The following CPNE8 variants were observed in gnomAD, a reference collection of about 807,000 sequenced individuals.
CPNE8 encodes copine 8, also known as copine-8.
Under a neutral mutation model 81.5 loss-of-function variants are expected in CPNE8, and 45 were observed. That is an observed-to-expected ratio of 0.55 (90% CI 0.44 to 0.71). The LOEUF is 0.71. Ranked by LOEUF, CPNE8 falls within the 30% of genes least tolerant of loss-of-function variation. The pLI is 0.00. For synonymous variants in CPNE8, 252 were observed against 226.3 expected (o/e 1.11, Z -1.02); for missense variants, 594 against 672.1 (o/e 0.88, Z 1.28).
intron 13 of CPNE8, among the ~76,000 whole-genome samples, chr12:38,712,015 T>A (rs1166554724): frequency 6.6e-6 from 1 of 152,136 alleles, no homozygotes; most frequent in African/African-American, 2.4e-5. Context: ...AGAGTTTAGC[T>A]TTCCACTGAT....
At chr12:38,823,558 T>A (rs1463097065) in intron 6 of CPNE8, among the ~76,000 whole-genome samples, 1 of 152,196 alleles carries the variant, frequency 6.6e-6, no homozygotes, top group Non-Finnish European at 1.5e-5. Flanking sequence ...CCATTACTGC[T>A]GGTACTGCTT....
chr12:38,831,830 A>T (rs1305067574), intron 5 of CPNE8, among the ~76,000 whole-genome samples: 4 of 152,196 alleles, frequency 2.6e-5, no homozygotes, highest in African/African-American at 9.6e-5. Flanking sequence ...AAAACACACA[A>T]GGGCGATTCC....
intron 19 of CPNE8, among the ~76,000 whole-genome samples, chr12:38,662,459 A>G (rs1440788575): frequency 6.6e-6 from 1 of 152,180 alleles, no homozygotes; most frequent in Non-Finnish European, 1.5e-5. Flanking sequence ...GATCTCTACA[A>G]TAAAAACTAT....
At chr12:38,868,251 A>C (rs774036331) in intron 3 of CPNE8, among the ~76,000 whole-genome samples, 50 of 152,112 alleles carry the variant, frequency 3.3e-4, no homozygotes, top group Non-Finnish European at 7.1e-4. Flanking sequence ...AGGTAGAAAC[A>C]CTATTTATTT....
intron 3 of CPNE8, among the ~76,000 whole-genome samples, chr12:38,858,433 GC>G (rs1943779795): frequency 6.6e-6 from 1 of 152,200 alleles, no homozygotes; most frequent in African/African-American, 2.4e-5. Flanking sequence ...TGCAAGCAGG[GC>G]TACACCATAG....
At chr12:38,850,466 G>C (rs908034207) in intron 3 of CPNE8, among the ~76,000 whole-genome samples, 2 of 152,124 alleles carry the variant, frequency 1.3e-5, no homozygotes, top group Non-Finnish European at 2.9e-5. Flanking sequence ...TCAGCAATAG[G>C]AGTGACTGAG....
At chr12:38,793,570 G>A (rs1017646092) in intron 6 of CPNE8, among the ~76,000 whole-genome samples, 1 of 151,652 alleles carries the variant, frequency 6.6e-6, no homozygotes, top group Non-Finnish European at 1.5e-5. Context: ...GAAATTAAAG[G>A]CACAGATAAA....
chr12:38,895,303 G>A (rs1944374498), intron 1 of CPNE8, among the ~76,000 whole-genome samples: 1 of 152,050 alleles, frequency 6.6e-6, no homozygotes, highest in Non-Finnish European at 1.5e-5. Flanking sequence ...GTTAAACGGT[G>A]ACTTCCCCAG....
chr12:38,839,894 A>C (rs1230539394), intron 5 of CPNE8, 22 bp downstream of exon 5: 4 of 1,551,786 alleles, frequency 2.6e-6, no homozygotes, highest in Non-Finnish European at 3.5e-6. Flanking sequence ...AATGTTATAA[A>C]AACATAAAAA....
intron 6 of CPNE8, among the ~76,000 whole-genome samples, chr12:38,781,213 C>T (rs184226665): frequency 2.6e-5 from 4 of 151,940 alleles, no homozygotes; most frequent in Admixed American, 6.6e-5. Context: ...TTCTAAAATG[C>T]AATCAGTTCA....
chr12:38,751,680 T>C (rs1327705084), intron 10 of CPNE8, among the ~76,000 whole-genome samples: 1 of 151,508 alleles, frequency 6.6e-6, no homozygotes, highest in African/African-American at 2.4e-5. Flanking sequence ...AATTCAGCAA[T>C]AGTGGCACTG....
At chr12:38,835,020 G>T (rs967937157) in intron 5 of CPNE8, among the ~76,000 whole-genome samples, 3 of 152,026 alleles carry the variant, frequency 2.0e-5, no homozygotes, top group African/African-American at 7.2e-5. Flanking sequence ...CTGAGTAGCT[G>T]GGATTGCAGG....
At chr12:38,828,857 A>G (rs926677447) in intron 6 of CPNE8, among the ~76,000 whole-genome samples, 2 of 152,182 alleles carry the variant, frequency 1.3e-5, no homozygotes, top group Non-Finnish European at 2.9e-5. Flanking sequence ...AACTCATGCA[A>G]TTGACATGAA....
Position 38,781,389 on chromosome 12 carries a change from A to G in CPNE8, c.408-5088T>C, listed in dbSNP as rs188507269. ...ATATAAAAATTAAATTCAGCCATGA[A>G]CTATTTAAAATAGATAACAAAATTT... On this transcript the variant is annotated intron_variant, in intron 6 of 19. Transcript: ENST00000331366. Among the ~76,000 whole-genome samples, 547 of 152,206 alleles carry G rather than the reference A, an allele frequency of 3.6e-3. 2 individuals carry two copies. The highest frequency in any genetic ancestry group is 0.013 in the African/African-American group (524 of 41,584).
rs1941930522 is a variant in CPNE8, at chr12:38,776,149, T to C, written c.471+89A>G. 4 of 578,300 alleles carry C rather than the reference T, an allele frequency of 6.9e-6. No individual in the cohort carries two copies. In the South Asian group the frequency reaches 1.5e-4, roughly 21 times the overall value. The allele number at this position is 578,300 out of a possible 1,614,324, so 35.8% of individuals were successfully genotyped here. On this transcript the variant is annotated intron_variant, in intron 7 of 19. Coordinates refer to ENST00000331366, the MANE Select transcript of CPNE8 (RefSeq NM_153634.3). ...AAATTGTATAACACTTTTGCTACAATTACTTAAAAATTAATTAGTTAAGTA... is the reference window on the plus strand; with the variant it reads ...AAATTGTATAACACTTTTGCTACAACTACTTAAAAATTAATTAGTTAAGTA...
In CPNE8 at chr12:38,702,884, C is replaced by T; in HGVS notation, c.952G>A (p.Ala318Thr). The stretch of plus-strand genomic sequence containing the variant: ...TAATCAAAACACTCACCGTTTGATG[C>T]TGTAAAATCAATAGCCACTGTGAAA... Reference protein sequence around the residue: ...INFTVAIDFTASNGNPAQPTS... With the variant: ...INFTVAIDFTTSNGNPAQPTS... Residue 318 changes from alanine to threonine, a missense_variant, in exon 14 of 20, where the codon GCA (alanine) becomes ACA (threonine). Coordinates refer to ENST00000331366, the MANE Select transcript of CPNE8 (RefSeq NM_153634.3). 1 of 1,559,800 alleles carries T rather than the reference C, an allele frequency of 6.4e-7. No individual in the cohort carries two copies. The highest frequency in any genetic ancestry group is 1.2e-5 in the South Asian group (1 of 81,998).
At chr12:38,784,105 T>C (rs1942116666) in intron 6 of CPNE8, among the ~76,000 whole-genome samples, 1 of 152,172 alleles carries the variant, frequency 6.6e-6, no homozygotes, top group Non-Finnish European at 1.5e-5. Context: ...TTGAGGGAAC[T>C]CAAATTGAAG....
chr12:38,813,165 AAAG>A (rs1565631415), intron 6 of CPNE8, among the ~76,000 whole-genome samples: 1 of 152,186 alleles, frequency 6.6e-6, no homozygotes, highest in Non-Finnish European at 1.5e-5. Context: ...TCAAACAAGG[AAAG>A]GGGGCTGAAT....
chr12:38,870,400 C>T (rs542304536), intron 3 of CPNE8, among the ~76,000 whole-genome samples: 1 of 152,254 alleles, frequency 6.6e-6, no homozygotes, highest in East Asian at 1.9e-4. Flanking sequence ...CCCAAATGCC[C>T]ATCAGTGATA....
Sources: allele counts gnomAD v4.1 joint callset (sites outside exome capture counted in the v4.1 genomes callset), GRCh38; gene constraint gnomAD v4.1.1; transcripts MANE v1.5; gene names NCBI Gene and HGNC (gene_info 2026-07-23, HGNC 2026-07-21).